ASIC2: variants seen among roughly 807,000 people sequenced by gnomAD.
ASIC2 encodes the protein acid sensing ion channel subunit 2.
In ASIC2, 25 loss-of-function variants were observed where a neutral mutation model predicts 57.3. The observed-to-expected ratio is 0.44, with a 90% CI of 0.32 to 0.61. The LOEUF is 0.61. Ranked by LOEUF, ASIC2 falls within the 20% of genes least tolerant of loss-of-function variation. The pLI is 0.06. For synonymous variants in ASIC2, 319 were observed against 307.5 expected, an observed-to-expected ratio of 1.04 and a Z score of -0.39; for missense variants, 641 against 738.1, an observed-to-expected ratio of 0.87 and a Z score of 1.52.
chr17:33,735,829 G>A (rs1274358752), intron 1 of ASIC2, among the ~76,000 whole-genome samples: 2 of 152,144 alleles, frequency 1.3e-5, no homozygotes, highest in Non-Finnish European at 2.9e-5. Context: ...CTGCTCTCAA[G>A]AGCCACAGTC....
chr17:33,808,983 C>G (rs367846445), intron 1 of ASIC2, among the ~76,000 whole-genome samples: 1 of 152,206 alleles, frequency 6.6e-6, no homozygotes, highest in Non-Finnish European at 1.5e-5. Flanking sequence ...CTTTCTGAGT[C>G]ATTCTTGCCT....
intron 6 of ASIC2, among the ~76,000 whole-genome samples, chr17:33,022,774 G>A (rs2091842071): frequency 1.3e-5 from 2 of 152,198 alleles, no homozygotes; most frequent in Non-Finnish European, 2.9e-5. Flanking sequence ...GGGGCTTTCA[G>A]TCTAGTGGGG....
intron 1 of ASIC2, among the ~76,000 whole-genome samples, chr17:33,776,434 T>C (rs935071563): frequency 6.6e-6 from 1 of 152,206 alleles, no homozygotes; most frequent in African/African-American, 2.4e-5. Flanking sequence ...GCCTCTAGAA[T>C]GATTGGTTGT....
intron 1 of ASIC2, among the ~76,000 whole-genome samples, chr17:33,645,023 G>A (rs1906696989): frequency 6.6e-6 from 1 of 152,202 alleles, no homozygotes; most frequent in Non-Finnish European, 1.5e-5. Context: ...TTAGCCACGT[G>A]AAACATTATT....
chr17:33,205,752 C>T (rs1907036751), intron 1 of ASIC2, among the ~76,000 whole-genome samples: 1 of 152,182 alleles, frequency 6.6e-6, no homozygotes, highest in Non-Finnish European at 1.5e-5. Flanking sequence ...GACATCATTT[C>T]TTCCCTCCAG....
Position 33,358,535 on chromosome 17 carries a change from A to G in ASIC2, c.556-246468T>C, listed in dbSNP as rs140601404. On this transcript the variant is annotated intron_variant, in intron 1 of 9. Coordinates refer to the ASIC2 transcript ENST00000359872. ...ATTGGATGCTCTCAAAGTGCTGGGC[A>G]TTGAGTTGCAAAAGGGAACATGATG... 9.2e-5 allele frequency among the ~76,000 whole-genome samples: 14 copies of G among 152,268 alleles called. No individual in the cohort carries two copies. The East Asian group carries it at 2.7e-3, about 29-fold the overall frequency.
intron 1 of ASIC2, among the ~76,000 whole-genome samples, chr17:33,632,926 G>A (rs943132960): frequency 6.6e-6 from 1 of 152,170 alleles, no homozygotes; most frequent in Non-Finnish European, 1.5e-5. Flanking sequence ...TATAGTTGGG[G>A]TTCCAGGAGG....
intron 2 of ASIC2, among the ~76,000 whole-genome samples, chr17:33,110,156 G>T (rs2092251178): frequency 6.6e-6 from 1 of 152,118 alleles, no homozygotes; most frequent in Non-Finnish European, 1.5e-5. Context: ...TTCTGTTTAG[G>T]CTTTGAGTGT....
chr17:33,025,888 C>T, intron 5 of ASIC2, 38 bp downstream of exon 5: 1 of 1,559,310 alleles, frequency 6.4e-7, no homozygotes, highest in Non-Finnish European at 8.7e-7. Flanking sequence ...TCTCAGGCCC[C>T]CGGCCCCCAT....
intron 1 of ASIC2, among the ~76,000 whole-genome samples, chr17:33,723,263 C>T (rs995944783): frequency 1.3e-5 from 2 of 152,112 alleles, no homozygotes; most frequent in South Asian, 4.1e-4. Flanking sequence ...ATGAAAGAAT[C>T]CAAACACATG....
At position 33,645,012 on chromosome 17, in the gene ASIC2, A is replaced by T. The variant is rs1427573669; in HGVS notation, c.555+510966T>A. Among the ~76,000 whole-genome samples, 3 of 152,326 alleles carry T rather than the reference A, an allele frequency of 2.0e-5. No homozygotes were observed. The East Asian group carries it at 5.8e-4, about 29-fold the overall frequency. ...TTATTATTTTGCTTGGTTTTTCATG[A>T]TTAGCCACGTGAAACATTATTATAG... On this transcript the variant is annotated intron_variant, in intron 1 of 9. Transcript: ENST00000359872.
Position 33,462,813 on chromosome 17 carries a change from T to G in ASIC2, c.556-350746A>C, listed in dbSNP as rs149042125. 2.1e-3 allele frequency among the ~76,000 whole-genome samples: 320 copies of G among 152,304 alleles called. 1 individual carries two copies. The highest frequency in any genetic ancestry group is 7.4e-3 in the African/African-American group (307 of 41,570). ...CTTTGAGCCCCAGTGAATGCCCATATGATATGTAGTTAGTGTTTCCCTGCT... is the reference window on the plus strand; with the variant it reads ...CTTTGAGCCCCAGTGAATGCCCATAGGATATGTAGTTAGTGTTTCCCTGCT... On this transcript the variant is annotated intron_variant, in intron 1 of 9. Coordinates refer to the ASIC2 transcript ENST00000359872.
intron 1 of ASIC2, among the ~76,000 whole-genome samples, chr17:33,712,243 G>T (rs4131027): frequency 0.51 from 77,639 of 151,924 alleles, 20,680 homozygotes; most frequent in African/African-American, 0.66. Context: ...AATGGGAATG[G>T]GCACATAATG....
At chr17:34,054,985 T>C (rs1908712258) in intron 1 of ASIC2, among the ~76,000 whole-genome samples, 1 of 152,138 alleles carries the variant, frequency 6.6e-6, no homozygotes. Context: ...GAGAGGTCCA[T>C]CCAAAGAAAT....
intron 1 of ASIC2, among the ~76,000 whole-genome samples, chr17:33,177,476 C>T (rs1029200641): frequency 2.0e-5 from 3 of 152,142 alleles, no homozygotes; most frequent in African/African-American, 7.2e-5. Context: ...GGACACCAAA[C>T]ACAAGTCACA....
chr17:33,048,413 C>A (rs966407867), intron 3 of ASIC2, among the ~76,000 whole-genome samples: 1 of 152,152 alleles, frequency 6.6e-6, no homozygotes, highest in Non-Finnish European at 1.5e-5. Context: ...GAGGATCATG[C>A]CTTAGGAAAC....
intron 1 of ASIC2, among the ~76,000 whole-genome samples, chr17:34,024,444 G>T (rs368072513): frequency 2.4e-3 from 361 of 152,318 alleles, no homozygotes; most frequent in African/African-American, 8.1e-3. Context: ...GCACTGGGCG[G>T]TGGCCCCAGG....
At chr17:33,033,689 G>C (rs954601698) in intron 3 of ASIC2, among the ~76,000 whole-genome samples, 2 of 152,208 alleles carry the variant, frequency 1.3e-5, no homozygotes, top group Non-Finnish European at 2.9e-5. Context: ...ATTCCTGGCA[G>C]GAAGGGGATG....
intron 1 of ASIC2, among the ~76,000 whole-genome samples, chr17:33,732,132 T>C (rs564150053): frequency 3.9e-5 from 6 of 152,338 alleles, no homozygotes; most frequent in South Asian, 2.1e-4. Flanking sequence ...ATCCTACAGA[T>C]AGGCTCAAAC....
Sources: allele counts gnomAD v4.1 joint callset (sites outside exome capture counted in the v4.1 genomes callset), GRCh38; gene constraint gnomAD v4.1.1; transcripts MANE v1.5; gene names NCBI Gene and HGNC (gene_info 2026-07-23, HGNC 2026-07-21).